Variants in LCLAT1 observed in about 807,000 individuals in gnomAD.
LCLAT1 encodes lysocardiolipin acyltransferase 1.
In LCLAT1, 11 loss-of-function variants were observed where a neutral mutation model predicts 30.7. The ratio of observed to expected loss-of-function variants is 0.36; its 90% CI spans 0.23 to 0.59. The LOEUF is 0.59. Among genes scored for constraint, LCLAT1 ranks in the 20% least tolerant of loss-of-function variants. The pLI, the probability that LCLAT1 is intolerant of heterozygous loss-of-function variation, is 0.77. For synonymous variants in LCLAT1, 155 were observed against 151.3 expected (o/e 1.02, Z -0.18); for missense variants, 402 against 458.6 (o/e 0.88, Z 1.13).
intron 1 of LCLAT1, among the ~76,000 whole-genome samples, chr2:30,470,606 G>T (rs530559508): frequency 3.3e-5 from 5 of 152,198 alleles, no homozygotes; most frequent in Non-Finnish European, 7.3e-5. Flanking sequence ...CTACGTTAGG[G>T]TTTTCTCACT....
intron 5 of LCLAT1, among the ~76,000 whole-genome samples, chr2:30,633,199 T>C (rs140026606): frequency 6.6e-6 from 1 of 152,326 alleles, no homozygotes; most frequent in East Asian, 1.9e-4. Flanking sequence ...GAGTAACTTT[T>C]CTTTTTAATT....
chr2:30,541,184 C>T (rs891821828), intron 3 of LCLAT1, among the ~76,000 whole-genome samples: 7 of 152,096 alleles, frequency 4.6e-5, no homozygotes, highest in African/African-American at 1.7e-4. Context: ...TCTTTTACAT[C>T]ATCTGGATTT....
intron 5 of LCLAT1, among the ~76,000 whole-genome samples, chr2:30,582,092 T>A (rs1181468092): frequency 6.6e-6 from 1 of 152,170 alleles, no homozygotes; most frequent in Admixed American, 6.5e-5. Flanking sequence ...TTTTTTCCTC[T>A]ATACTAGAGT....
intron 3 of LCLAT1, among the ~76,000 whole-genome samples, chr2:30,542,853 A>G (rs752396224): frequency 5.3e-5 from 8 of 152,006 alleles, no homozygotes; most frequent in South Asian, 2.1e-4. Flanking sequence ...TCAAAATTCA[A>G]CTATTCTACA....
chr2:30,634,163 T>A (rs1015007445), intron 5 of LCLAT1, among the ~76,000 whole-genome samples: 3 of 152,232 alleles, frequency 2.0e-5, no homozygotes, highest in African/African-American at 7.2e-5. Flanking sequence ...TCTTCCAAGG[T>A]ATAAACAACT....
intron 5 of LCLAT1, among the ~76,000 whole-genome samples, chr2:30,593,894 C>A (rs1306642615): frequency 6.7e-6 from 1 of 148,278 alleles, no homozygotes; most frequent in Non-Finnish European, 1.5e-5. Context: ...CTGCATTCCA[C>A]CTCGAGCAAC....
At chr2:30,530,144 G>A (rs1011283872) in intron 2 of LCLAT1, among the ~76,000 whole-genome samples, 1 of 152,106 alleles carries the variant, frequency 6.6e-6, no homozygotes, top group African/African-American at 2.4e-5. Flanking sequence ...AAAATTATCA[G>A]AATTGTTACT....
At chr2:30,601,849 A>G (rs1318983389) in intron 5 of LCLAT1, among the ~76,000 whole-genome samples, 2 of 150,208 alleles carry the variant, frequency 1.3e-5, no homozygotes, top group Non-Finnish European at 1.5e-5. Context: ...TATCTACAAC[A>G]AAACAAGGAT....
In LCLAT1 at chr2:30,531,724, C is replaced by T. The variant is rs574470397; in HGVS notation, c.166-1392C>T. On this transcript the variant is annotated intron_variant, in intron 2 of 5. Coordinates refer to ENST00000379509, the MANE Select transcript of LCLAT1 (RefSeq NM_001002257.3). ...ATATAACTTTTCTAACTTCTTTTTA[C>T]TTTCTAGTATATTTCTTTAGCTAAT... 3.9e-5 allele frequency among the ~76,000 whole-genome samples: 6 copies of T among 152,262 alleles called. 1 individual carries two copies. In the South Asian group the frequency reaches 1.2e-3, roughly 32 times the overall value.
In LCLAT1 at chr2:30,642,513, A is replaced by G. The variant is rs1669372621; in HGVS notation, c.*1894A>G. ...TCCTTTGGTTGTATTTAGAAACACAAATAGTTTTATAATCAGGATTGCATT... is the reference window on the plus strand; with the variant it reads ...TCCTTTGGTTGTATTTAGAAACACAGATAGTTTTATAATCAGGATTGCATT... On this transcript the variant is annotated 3_prime_UTR_variant, in exon 6 of 6. Transcript: ENST00000379509. 1 of 151,888 alleles carries G rather than the reference A, an allele frequency of 6.6e-6. No homozygotes were observed. The highest frequency in any genetic ancestry group is 2.4e-5 in the African/African-American group (1 of 41,360). The allele number at this position is 151,888 out of a possible 1,614,324, so 9.4% of individuals were successfully genotyped here. A position where few individuals can be genotyped will look rare whatever the true frequency, so the allele number is the denominator to read the frequency against.
intron 1 of LCLAT1, among the ~76,000 whole-genome samples, chr2:30,517,620 G>A (rs761794828): frequency 4.9e-4 from 75 of 152,184 alleles, no homozygotes; most frequent in Non-Finnish European, 9.3e-4. Context: ...AAAGGGAGGA[G>A]CATATTCCTA....
intron 5 of LCLAT1, among the ~76,000 whole-genome samples, chr2:30,609,452 C>A (rs1558553704): frequency 6.6e-6 from 1 of 152,010 alleles, no homozygotes; most frequent in Non-Finnish European, 1.5e-5. Context: ...TGTACTTAAT[C>A]TGTTATTCTC....
At chr2:30,459,646 C>T in intron 1 of LCLAT1, 1 of 1,614,074 alleles carries the variant, frequency 6.2e-7, no homozygotes, top group South Asian at 1.1e-5. Flanking sequence ...TGTGGTGCTT[C>T]TGAACCCATG....
chr2:30,522,587 C>T (rs937322302), intron 1 of LCLAT1, among the ~76,000 whole-genome samples: 45 of 152,128 alleles, frequency 3.0e-4, no homozygotes, highest in African/African-American at 1.1e-3. Flanking sequence ...TTGTAATCCC[C>T]AGATGACTAA....
At chr2:30,611,490 T>A (rs1249364591) in intron 5 of LCLAT1, among the ~76,000 whole-genome samples, 1 of 152,112 alleles carries the variant, frequency 6.6e-6, no homozygotes, top group Non-Finnish European at 1.5e-5. Context: ...CGTATCCTCT[T>A]TATTTTCAGG....
At chr2:30,516,656 G>C (rs1299232623) in intron 1 of LCLAT1, among the ~76,000 whole-genome samples, 2 of 152,066 alleles carry the variant, frequency 1.3e-5, no homozygotes, top group African/African-American at 4.8e-5. Flanking sequence ...GCTATCTTGG[G>C]AGCAGCCTGC....
At chr2:30,513,320 ATATG>A (rs1363059904) in intron 1 of LCLAT1, among the ~76,000 whole-genome samples, 5 of 151,762 alleles carry the variant, frequency 3.3e-5, no homozygotes. Flanking sequence ...ATCAATAAAT[ATATG>A]TATATATAAG....
intron 5 of LCLAT1, among the ~76,000 whole-genome samples, chr2:30,599,432 G>A (rs1338775541): frequency 1.3e-5 from 2 of 152,222 alleles, no homozygotes; most frequent in Admixed American, 1.3e-4. Context: ...GCGCTGAGAA[G>A]AATGTATATT....
chr2:30,557,283 CGT>C (rs373793652), intron 3 of LCLAT1, among the ~76,000 whole-genome samples: 14,882 of 138,372 alleles, frequency 0.11, 871 homozygotes, highest in Non-Finnish European at 0.15. Flanking sequence ...AAGGTATGAT[CGT>C]GTGTGTGTGT....
Sources: allele counts gnomAD v4.1 joint callset (sites outside exome capture counted in the v4.1 genomes callset), GRCh38; gene constraint gnomAD v4.1.1; transcripts MANE v1.5; gene names NCBI Gene and HGNC (gene_info 2026-07-23, HGNC 2026-07-21).